The following GALNTL6 variants were observed in gnomAD, a reference collection of about 807,000 sequenced individuals.
GALNTL6 encodes the protein polypeptide N-acetylgalactosaminyltransferase-like 6.
In GALNTL6, 46 loss-of-function variants were observed where a neutral mutation model predicts 73.7. The observed-to-expected ratio is 0.62, with a 90% CI of 0.49 to 0.80. The LOEUF (loss-of-function observed/expected upper bound fraction) is 0.80, where lower values mean the gene tolerates loss of function less well. Among genes scored for constraint, GALNTL6 ranks in the 30% least tolerant of loss-of-function variants. The pLI, the probability that GALNTL6 is intolerant of heterozygous loss-of-function variation, is 0.00. For synonymous variants in GALNTL6, 259 were observed against 263.7 expected (o/e 0.98, Z 0.17); for missense variants, 604 against 755.0 (o/e 0.80, Z 2.34).
chr4:172,970,361 A>T (rs1750521098), intron 10 of GALNTL6, among the ~76,000 whole-genome samples: 1 of 152,174 alleles, frequency 6.6e-6, no homozygotes. Flanking sequence ...AGGGTACTAC[A>T]GGAGACCGGG....
intron 2 of GALNTL6, among the ~76,000 whole-genome samples, chr4:171,845,407 T>A (rs1416443967): frequency 1.3e-5 from 2 of 152,198 alleles, no homozygotes; most frequent in Non-Finnish European, 2.9e-5. Context: ...TATTGTCATG[T>A]CAGTGTTAAT....
intron 5 of GALNTL6, among the ~76,000 whole-genome samples, chr4:172,500,135 G>A (rs1245404041): frequency 6.6e-6 from 1 of 152,114 alleles, no homozygotes; most frequent in Non-Finnish European, 1.5e-5. Context: ...ACTTCTGAAA[G>A]CTAAGCCAGG....
At chr4:171,842,423 A>G (rs964766771) in intron 2 of GALNTL6, among the ~76,000 whole-genome samples, 1 of 152,094 alleles carries the variant, frequency 6.6e-6, no homozygotes, top group South Asian at 2.1e-4. Context: ...TCCTGTCTCC[A>G]TGCTTGGTGT....
intron 7 of GALNTL6, among the ~76,000 whole-genome samples, chr4:172,870,052 GTCATCATCATCATCA>G (rs55936018): frequency 1.4e-5 from 2 of 143,056 alleles, no homozygotes; most frequent in African/African-American, 5.3e-5. Context: ...GACCTTTACT[GTCATCATCATCATCA>G]TCATCATCAT....
At chr4:172,606,389 G>A (rs1290501514) in intron 5 of GALNTL6, among the ~76,000 whole-genome samples, 1 of 150,482 alleles carries the variant, frequency 6.6e-6, no homozygotes, top group African/African-American at 2.4e-5. Flanking sequence ...AGGAGGCAGA[G>A]GTTGTGGTGA....
intron 8 of GALNTL6, among the ~76,000 whole-genome samples, chr4:172,912,245 T>C (rs1747243590): frequency 6.6e-6 from 1 of 152,350 alleles, no homozygotes; most frequent in South Asian, 2.1e-4. Context: ...AAGAATTTGA[T>C]TTTTGGTTCC....
intron 5 of GALNTL6, among the ~76,000 whole-genome samples, chr4:172,535,202 T>C (rs1290816352): frequency 2.6e-5 from 4 of 152,190 alleles, no homozygotes; most frequent in African/African-American, 9.6e-5. Context: ...CAAAACCATA[T>C]GATGGAGGAA....
chr4:172,668,268 G>A (rs1731781971), intron 5 of GALNTL6: 1 of 152,192 alleles, frequency 6.6e-6, no homozygotes, highest in South Asian at 2.1e-4. Context: ...GTACATTACA[G>A]CTCACAAGTA....
intron 3 of GALNTL6, among the ~76,000 whole-genome samples, chr4:172,285,771 A>G (rs560062437): frequency 9.9e-5 from 15 of 152,006 alleles, no homozygotes; most frequent in Non-Finnish European, 2.1e-4. Flanking sequence ...TTTTCCTTCC[A>G]TCTGTGATTG....
rs1738308323 is a variant in GALNTL6, at chr4:172,606,665, A to AG, written c.554-202696_554-202695insG. Among the ~76,000 whole-genome samples the AG allele has an allele frequency of 2.8e-4, 11 of 38,820 alleles. No individual in the cohort carries two copies. The South Asian group carries it at 0.017, about 59-fold the overall frequency. 25.5% of individuals were successfully genotyped at this position (38,820 alleles called of 152,430 possible). ...ACTATATATATAGTATATATATACT[A>AG]TATATATATACTATATATATAGTAT... On this transcript the variant is annotated intron_variant, in intron 5 of 12. Coordinates refer to ENST00000506823, the MANE Select transcript of GALNTL6 (RefSeq NM_001034845.3).
At chr4:172,551,391 T>C (rs1735949184) in intron 5 of GALNTL6, among the ~76,000 whole-genome samples, 1 of 152,078 alleles carries the variant, frequency 6.6e-6, no homozygotes, top group South Asian at 2.1e-4. Flanking sequence ...ATAATATATT[T>C]GTATTGTTCT....
At chr4:172,992,439 T>G (rs1358468632) in intron 10 of GALNTL6, among the ~76,000 whole-genome samples, 1 of 152,252 alleles carries the variant, frequency 6.6e-6, no homozygotes, top group Non-Finnish European at 1.5e-5. Context: ...ACTGTCTTTA[T>G]TTTTCAAAGC....
chr4:172,156,562 TATATAC>T (rs1560945767), intron 2 of GALNTL6, among the ~76,000 whole-genome samples: 24 of 73,004 alleles, frequency 3.3e-4, no homozygotes, highest in African/African-American at 1.2e-3. Context: ...TATATATATA[TATATAC>T]ATACTATATA....
intron 5 of GALNTL6, among the ~76,000 whole-genome samples, chr4:172,548,403 A>AAGG (rs1262067070): frequency 6.6e-6 from 1 of 152,220 alleles, no homozygotes; most frequent in African/African-American, 2.4e-5. Context: ...TAAGAGAACG[A>AAGG]AGGGCAGGAC....
At chr4:172,598,246 A>G (rs532603743) in intron 5 of GALNTL6, among the ~76,000 whole-genome samples, 1 of 152,288 alleles carries the variant, frequency 6.6e-6, no homozygotes, top group South Asian at 2.1e-4. Context: ...TGATCCAAAC[A>G]TATTGGCAGT....
chr4:171,900,436 T>A (rs2110941670), intron 2 of GALNTL6, among the ~76,000 whole-genome samples: 1 of 152,052 alleles, frequency 6.6e-6, no homozygotes, highest in South Asian at 2.1e-4. Context: ...GCTTCCCAAG[T>A]AGCTGGGACT....
At chr4:171,945,921 C>T (rs764206981) in intron 2 of GALNTL6, among the ~76,000 whole-genome samples, 36 of 152,156 alleles carry the variant, frequency 2.4e-4, no homozygotes, top group Middle Eastern at 3.4e-3. Flanking sequence ...TTGAGGCAAT[C>T]CCAGGTGACT....
chr4:172,167,587 G>A (rs2110809645), intron 2 of GALNTL6, among the ~76,000 whole-genome samples: 1 of 152,304 alleles, frequency 6.6e-6, no homozygotes, highest in African/African-American at 2.4e-5. Context: ...GACCATATGT[G>A]GCCTGTAAAT....
chr4:172,082,587 G>A (rs1333046987), intron 2 of GALNTL6, among the ~76,000 whole-genome samples: 3 of 152,140 alleles, frequency 2.0e-5, no homozygotes, highest in Non-Finnish European at 2.9e-5. Context: ...GAAAGTAAAC[G>A]GGAGAAGAAA....
Sources: allele counts gnomAD v4.1 joint callset (sites outside exome capture counted in the v4.1 genomes callset), GRCh38; gene constraint gnomAD v4.1.1; transcripts MANE v1.5; gene names NCBI Gene and HGNC (gene_info 2026-07-23, HGNC 2026-07-21).